Variants in KIF16B observed in about 807,000 individuals in gnomAD.
KIF16B encodes the protein kinesin-like protein KIF16B.
Under a neutral mutation model 156.3 loss-of-function variants are expected in KIF16B, and 98 were observed. The observed-to-expected ratio is 0.63, with a 90% CI of 0.53 to 0.74. The LOEUF (loss-of-function observed/expected upper bound fraction) is 0.74. KIF16B is among the 30% of genes least tolerant of loss of function. The probability of loss-of-function intolerance (pLI) is 0.00; values close to 1 mark genes in which losing one functional copy is unlikely to be tolerated. For missense variants in KIF16B, 1,421 were observed against 1,606.5 expected, an observed-to-expected ratio of 0.88 and a Z score of 1.97; for synonymous variants, 564 against 583.7, an observed-to-expected ratio of 0.97 and a Z score of 0.49.
chr20:16,440,411 T>A (rs1485845545), intron 12 of KIF16B, among the ~76,000 whole-genome samples: 2 of 152,092 alleles, frequency 1.3e-5, no homozygotes, highest in Non-Finnish European at 2.9e-5. Flanking sequence ...GTATCTAGCA[T>A]CACATCAGAC....
chr20:16,451,681 C>T (rs1394016032), intron 12 of KIF16B, among the ~76,000 whole-genome samples: 3 of 152,120 alleles, frequency 2.0e-5, no homozygotes, highest in Non-Finnish European at 2.9e-5. Flanking sequence ...AAACCAACTT[C>T]GTATTCATGT....
intron 1 of KIF16B, among the ~76,000 whole-genome samples, chr20:16,554,458 C>A (rs2070775247): frequency 6.6e-6 from 1 of 152,164 alleles, no homozygotes; most frequent in Non-Finnish European, 1.5e-5. Context: ...ATCGGGACAC[C>A]CTGCCTGCTA....
At chr20:16,391,508 T>C (rs2065364832) in intron 17 of KIF16B, among the ~76,000 whole-genome samples, 2 of 152,094 alleles carry the variant, frequency 1.3e-5, no homozygotes, top group Admixed American at 1.3e-4. Flanking sequence ...TGCCGTGAGA[T>C]AAGTACTATG....
chr20:16,386,227 G>A (rs373456143), intron 17 of KIF16B, among the ~76,000 whole-genome samples: 14 of 152,200 alleles, frequency 9.2e-5, no homozygotes, highest in African/African-American at 2.9e-4. Context: ...TCACAGTGAC[G>A]GGCAGAGATA....
chr20:16,314,726 C>G (rs2063671205), intron 24 of KIF16B, among the ~76,000 whole-genome samples: 1 of 152,164 alleles, frequency 6.6e-6, no homozygotes, highest in Admixed American at 6.5e-5. Context: ...TGTTAGAGAT[C>G]TGCTAATTAC....
intron 24 of KIF16B, among the ~76,000 whole-genome samples, chr20:16,313,862 A>C (rs954306492): frequency 1.3e-5 from 2 of 152,136 alleles, no homozygotes; most frequent in African/African-American, 4.8e-5. Flanking sequence ...GTTAGTTTCC[A>C]GTTTGTGGTT....
intron 12 of KIF16B, among the ~76,000 whole-genome samples, chr20:16,488,966 C>T (rs2068204472): frequency 6.6e-6 from 1 of 152,176 alleles, no homozygotes; most frequent in African/African-American, 2.4e-5. Context: ...CAAAGCCTAA[C>T]CACGAAACAG....
At chr20:16,277,214 C>T (rs937892075) in intron 25 of KIF16B, among the ~76,000 whole-genome samples, 6 of 152,206 alleles carry the variant, frequency 3.9e-5, no homozygotes, top group Admixed American at 3.9e-4. Context: ...TGAGTACCAG[C>T]ACTGTGCAGT....
chr20:16,449,352 T>C (rs1875804333), intron 12 of KIF16B, among the ~76,000 whole-genome samples: 1 of 152,176 alleles, frequency 6.6e-6, no homozygotes, highest in African/African-American at 2.4e-5. Context: ...AAAAAAAATG[T>C]TACGCCAATG....
At chr20:16,336,147 A>G in intron 23 of KIF16B, 132 bp from the exon 24 acceptor site, 2 of 611,850 alleles carry the variant, frequency 3.3e-6, no homozygotes, top group South Asian at 4.1e-5. Flanking sequence ...GAAAACATTA[A>G]TCTAGCTGCA....
chr20:16,393,668 C>G (rs974562851), intron 17 of KIF16B, among the ~76,000 whole-genome samples: 3 of 152,200 alleles, frequency 2.0e-5, no homozygotes, highest in African/African-American at 7.2e-5. Flanking sequence ...CCACTAAATA[C>G]AGAGACCAAG....
chr20:16,412,864 A>G (rs1420209773), intron 15 of KIF16B, among the ~76,000 whole-genome samples: 1 of 152,130 alleles, frequency 6.6e-6, no homozygotes, highest in Non-Finnish European at 1.5e-5. Flanking sequence ...CAATAAGCAA[A>G]CTGAAGGGCA....
At chr20:16,520,937 G>C (rs2069327137) in intron 3 of KIF16B, among the ~76,000 whole-genome samples, 1 of 152,172 alleles carries the variant, frequency 6.6e-6, no homozygotes. Flanking sequence ...CAGCAGAGGG[G>C]CCTGACTGTT....
At chr20:16,416,133 C>T (rs1256165174) in intron 15 of KIF16B, among the ~76,000 whole-genome samples, 1 of 152,082 alleles carries the variant, frequency 6.6e-6, no homozygotes, top group Non-Finnish European at 1.5e-5. Flanking sequence ...GAATAGATTA[C>T]CAAAATTTTC....
chr20:16,300,038 T>C (rs2063449043), intron 25 of KIF16B, among the ~76,000 whole-genome samples: 1 of 152,226 alleles, frequency 6.6e-6, no homozygotes, highest in Non-Finnish European at 1.5e-5. Flanking sequence ...TACAACTGTT[T>C]GTCCAATTAC....
chr20:16,504,119 T>C (rs914028593), intron 10 of KIF16B, among the ~76,000 whole-genome samples: 1 of 152,226 alleles, frequency 6.6e-6, no homozygotes, highest in African/African-American at 2.4e-5. Flanking sequence ...TACATTTCCA[T>C]TCATAATTGA....
chr20:16,511,347 A>AT (rs2068949208), intron 6 of KIF16B, 71 bp downstream of exon 6: 2 of 843,584 alleles, frequency 2.4e-6, no homozygotes, highest in African/African-American at 1.7e-5. Context: ...ATTATGCTAT[A>AT]TTTTTTCATT....
At chr20:16,285,194 T>A (rs747404876) in intron 25 of KIF16B, among the ~76,000 whole-genome samples, 8 of 152,238 alleles carry the variant, frequency 5.3e-5, no homozygotes, top group Non-Finnish European at 7.3e-5. Context: ...ATAGCACAGT[T>A]CTACACTAAG....
At chr20:16,385,783 C>T (rs1292848018) in intron 17 of KIF16B, among the ~76,000 whole-genome samples, 2 of 152,134 alleles carry the variant, frequency 1.3e-5, no homozygotes, top group African/African-American at 4.8e-5. Flanking sequence ...CCAAAGCTAA[C>T]AACCACGGGG....
Sources: gnomAD v4.1 joint callset for allele counts (sites outside exome capture counted in the v4.1 genomes callset) on GRCh38, gnomAD v4.1.1 for gene constraint, MANE v1.5 for transcripts, NCBI Gene and HGNC (gene_info 2026-07-23, HGNC 2026-07-21) for gene names.